The following USH2A variants were observed in gnomAD, a reference collection of about 807,000 sequenced individuals.
USH2A encodes the protein Usher syndrome 2A (autosomal recessive, mild).
A neutral mutation model predicts 538.9 loss-of-function variants in USH2A; 443 were observed. The observed-to-expected ratio is 0.82, with a 90% CI of 0.76 to 0.89. The LOEUF (loss-of-function observed/expected upper bound fraction) is 0.89. USH2A is among the 40% of genes least tolerant of loss of function. USH2A has a pLI of 0.00. For missense variants in USH2A, 6,633 were observed against 6,324.8 expected (o/e 1.05, Z -1.65); for synonymous variants, 2,413 against 2,273.5 (o/e 1.06, Z -1.75).
intron 55 of USH2A, among the ~76,000 whole-genome samples, chr1:215,770,063 C>A (rs1420217946): frequency 6.6e-6 from 1 of 152,182 alleles, no homozygotes; most frequent in East Asian, 1.9e-4. Context: ...TTCACATCTG[C>A]CATATTTACC....
chr1:216,005,781 A>T (rs1209387596), intron 32 of USH2A, among the ~76,000 whole-genome samples: 1 of 152,192 alleles, frequency 6.6e-6, no homozygotes, highest in African/African-American at 2.4e-5. Flanking sequence ...GAAAGAAACA[A>T]TAAAAAAAAT....
intron 32 of USH2A, among the ~76,000 whole-genome samples, chr1:216,008,456 C>G (rs1390946772): frequency 6.6e-6 from 1 of 152,106 alleles, no homozygotes. Flanking sequence ...TTCGCTGACT[C>G]TCTTTTCGGA....
intron 56 of USH2A, among the ~76,000 whole-genome samples, chr1:215,764,221 A>G (rs1661063461): frequency 6.6e-6 from 1 of 152,130 alleles, no homozygotes; most frequent in Non-Finnish European, 1.5e-5. Context: ...CCTGGGTGCT[A>G]TAGTGTAAAG....
intron 47 of USH2A, among the ~76,000 whole-genome samples, chr1:215,826,897 C>G (rs4528089): frequency 0.39 from 59,707 of 151,912 alleles, 12,133 homozygotes; most frequent in Admixed American, 0.52. Context: ...AGAAAATGTA[C>G]TAAAATCAGT....
intron 4 of USH2A, among the ~76,000 whole-genome samples, chr1:216,344,394 T>A (rs2038135085): frequency 6.8e-6 from 1 of 147,890 alleles, no homozygotes; most frequent in Non-Finnish European, 1.5e-5. Context: ...AGCCACCACA[T>A]ACATGTATGG....
intron 32 of USH2A, among the ~76,000 whole-genome samples, chr1:216,005,264 C>T (rs1668366032): frequency 6.6e-6 from 1 of 152,152 alleles, no homozygotes; most frequent in Non-Finnish European, 1.5e-5. Flanking sequence ...CTTCATCCTT[C>T]TATGAGTGGT....
intron 21 of USH2A, among the ~76,000 whole-genome samples, chr1:216,156,292 T>TTC (rs2033936712): frequency 8.1e-5 from 8 of 98,260 alleles, no homozygotes; most frequent in African/African-American, 3.1e-4. Flanking sequence ...TTCTTTTTTT[T>TTC]TTCTTTTTTT....
intron 21 of USH2A, 183 bp downstream of exon 21, chr1:216,175,069 C>CT (rs1021664801): frequency 1.1e-5 from 16 of 1,435,264 alleles, no homozygotes; most frequent in Admixed American, 5.3e-5. Context: ...ACTTACCTGA[C>CT]TTTTTTCCCC....
chr1:215,671,320 G>C (rs756211294), intron 63 of USH2A, 27 bp from the exon 64 acceptor site: 4 of 1,610,962 alleles, frequency 2.5e-6, no homozygotes, highest in Non-Finnish European at 3.4e-6. Context: ...AGAAATTAGT[G>C]ATTTTCAGCA....
intron 21 of USH2A, among the ~76,000 whole-genome samples, chr1:216,100,530 A>G (rs1227143017): frequency 2.0e-5 from 3 of 152,186 alleles, no homozygotes; most frequent in Admixed American, 6.5e-5. Context: ...ATCATATATT[A>G]TAATAAAACC....
intron 5 of USH2A, 93 bp downstream of exon 5, chr1:216,327,497 TA>T (rs1247953276): frequency 1.2e-5 from 18 of 1,449,176 alleles, no homozygotes; most frequent in African/African-American, 4.2e-5. Context: ...GGTATAAAGA[TA>T]AAAAATGGTA....
chr1:216,324,293 C>T lies in USH2A; in HGVS notation c.1203G>A (p.Arg401=), dbSNP rs1571702261. ...CCCAATCTAAACTATTTTCCTTCTT[C>T]CTTTGAATCCTTATTTCCGTTGGTT... ...SPQPTEIRIQ[R]KKENSLDWED... Residue 401 remains arginine (R), a synonymous_variant, in exon 7 of 72, where the codon AGG becomes AGA. Transcript: ENST00000307340. 1.2e-6 allele frequency: 2 copies of T among 1,613,034 alleles called. No individual in the cohort carries two copies. The highest frequency in any genetic ancestry group is 1.7e-6 in the Non-Finnish European group (2 of 1,179,504).
chr1:216,121,537 C>T (rs388485), intron 21 of USH2A, among the ~76,000 whole-genome samples: 72,017 of 151,916 alleles, frequency 0.47, 17,474 homozygotes, highest in African/African-American at 0.51. Flanking sequence ...ACCCAAATAA[C>T]TTCAGTCATG....
At position 215,778,884 on chromosome 1, in the gene USH2A, C is replaced by T. The variant is rs570107537; in HGVS notation, c.10939+959G>A. On this transcript the variant is annotated intron_variant, in intron 55 of 71. Coordinates refer to ENST00000307340, the MANE Select transcript of USH2A (RefSeq NM_206933.4). Reference sequence around the variant, plus strand: ...AAAATGAAGGTAGTAATTCACTGTACATCTTAGGTTGGTGATGGAGAATCA... The same window carrying T: ...AAAATGAAGGTAGTAATTCACTGTATATCTTAGGTTGGTGATGGAGAATCA... Among the ~76,000 whole-genome samples the T allele has an allele frequency of 1.3e-4, 20 of 152,310 alleles. No individual in the cohort carries two copies. The South Asian group carries it at 4.1e-3, about 32-fold the overall frequency.
intron 30 of USH2A, among the ~76,000 whole-genome samples, chr1:216,049,407 T>C (rs2030660186): frequency 6.6e-6 from 1 of 152,174 alleles, no homozygotes; most frequent in Non-Finnish European, 1.5e-5. Flanking sequence ...TTTACTAGTG[T>C]TCATAAGCAA....
intron 49 of USH2A, among the ~76,000 whole-genome samples, chr1:215,801,884 C>T (rs72742740): frequency 1.3e-5 from 2 of 152,182 alleles, no homozygotes; most frequent in East Asian, 1.9e-4. Flanking sequence ...TACAAAGTTA[C>T]AGTAATCAAA....
chr1:216,348,929 T>C (rs1253122788), intron 4 of USH2A, among the ~76,000 whole-genome samples: 1 of 152,134 alleles, frequency 6.6e-6, no homozygotes, highest in Non-Finnish European at 1.5e-5. Flanking sequence ...GGGCACATAC[T>C]GGGATTTACT....
intron 21 of USH2A, among the ~76,000 whole-genome samples, chr1:216,168,498 G>A (rs1241080144): frequency 6.6e-6 from 1 of 152,092 alleles, no homozygotes; most frequent in Non-Finnish European, 1.5e-5. Context: ...GCTGGGCAAA[G>A]GTTGACCTAA....
chr1:216,353,677 A>G (rs1277586700), intron 4 of USH2A, among the ~76,000 whole-genome samples: 1 of 152,102 alleles, frequency 6.6e-6, no homozygotes, highest in African/African-American at 2.4e-5. Flanking sequence ...TTAAGTATAG[A>G]CAGAGTTGTG....
Sources: gnomAD v4.1 joint callset for allele counts (sites outside exome capture counted in the v4.1 genomes callset) on GRCh38, gnomAD v4.1.1 for gene constraint, MANE v1.5 for transcripts, NCBI Gene and HGNC (gene_info 2026-07-23, HGNC 2026-07-21) for gene names.